EBF4: variants seen among roughly 807,000 people sequenced by gnomAD.
EBF4 encodes EBF transcription factor 4.
In EBF4, 34 loss-of-function variants were observed where a neutral mutation model predicts 67.1. The ratio of observed to expected loss-of-function variants is 0.51; its 90% CI spans 0.39 to 0.67. The LOEUF (loss-of-function observed/expected upper bound fraction) is 0.67, where lower values mean the gene tolerates loss of function less well. EBF4 is among the 30% of genes least tolerant of loss of function. The pLI is 0.00. For synonymous variants in EBF4, 387 were observed against 377.7 expected (o/e 1.02, Z -0.29); for missense variants, 837 against 873.3 (o/e 0.96, Z 0.52).
intron 7 of EBF4, 33 bp downstream of exon 7, chr20:2,748,663 C>T (rs1388953981): frequency 2.6e-6 from 4 of 1,541,554 alleles, no homozygotes; most frequent in Non-Finnish European, 2.6e-6. Context: ...CCCTTGCAAC[C>T]CCACCCTTTC....
At chr20:2,708,068 C>A (rs2087484385) in intron 5 of EBF4, 48 bp downstream of exon 5, 1 of 1,560,218 alleles carries the variant, frequency 6.4e-7, no homozygotes, top group Non-Finnish European at 8.7e-7. Context: ...CAAGGCGTTT[C>A]TGAGGACTCT....
intron 14 of EBF4, among the ~76,000 whole-genome samples, chr20:2,753,147 C>T (rs1412755472): frequency 1.3e-5 from 2 of 152,224 alleles, no homozygotes; most frequent in African/African-American, 4.8e-5. Flanking sequence ...CTTATTTGAA[C>T]TTGTTTCCTC....
chr20:2,746,310 G>C (rs1450210449), intron 6 of EBF4, among the ~76,000 whole-genome samples: 1 of 152,148 alleles, frequency 6.6e-6, no homozygotes, highest in Non-Finnish European at 1.5e-5. Flanking sequence ...TCTACACATT[G>C]GTGACTACTG....
At chr20:2,752,681 GC>G in intron 14 of EBF4, 136 bp downstream of exon 14, 1 of 768,560 alleles carries the variant, frequency 1.3e-6, no homozygotes, top group Non-Finnish European at 1.8e-6. Flanking sequence ...TCGGGGTCAG[GC>G]CCACCGTCCC....
chr20:2,737,324 C>G (rs1364402075), intron 6 of EBF4, among the ~76,000 whole-genome samples: 3 of 151,630 alleles, frequency 2.0e-5, no homozygotes, highest in Non-Finnish European at 4.4e-5. Context: ...GCCTGGGAAC[C>G]ATAATAGGTG....
intron 5 of EBF4, among the ~76,000 whole-genome samples, chr20:2,709,326 C>T (rs558010181): frequency 7.3e-4 from 111 of 152,302 alleles, no homozygotes; most frequent in Non-Finnish European, 1.4e-3. Context: ...CCTCCAGGAA[C>T]GAGGTGCCTT....
chr20:2,703,256 T>TAA (rs58171984), intron 1 of EBF4, among the ~76,000 whole-genome samples: 201 of 114,116 alleles, frequency 1.8e-3, no homozygotes, highest in Non-Finnish European at 3.0e-3. Context: ...GACCCTGTCT[T>TAA]AAAAAAAAAA....
In EBF4 at chr20:2,739,387, C is replaced by G. The variant is rs1391094745; in HGVS notation, c.558-9162C>G. On this transcript the variant is annotated intron_variant, in intron 6 of 16. Coordinates refer to ENST00000609451, the Ensembl canonical transcript of EBF4. The surrounding 1 kb of genome is among the most constrained non-coding windows in gnomAD (Gnocchi z 4.5). ...CTTCTCGGTGAGATCCTCCAAGACC[C>G]ATCACCCAAGACCAAATTGGAGCTC... 1.3e-5 allele frequency among the ~76,000 whole-genome samples: 2 copies of G among 151,970 alleles called. No individual in the cohort carries two copies. The highest frequency in any genetic ancestry group is 2.9e-5 in the Non-Finnish European group (2 of 67,978).
chr20:2,732,911 CAA>C (rs1002893633), intron 6 of EBF4, among the ~76,000 whole-genome samples: 1 of 152,018 alleles, frequency 6.6e-6, no homozygotes, highest in African/African-American at 2.4e-5. Flanking sequence ...GATAGGAAAA[CAA>C]AATCATTACA....
At chr20:2,714,819 T>G (rs1456561792) in intron 6 of EBF4, among the ~76,000 whole-genome samples, 3 of 152,180 alleles carry the variant, frequency 2.0e-5, no homozygotes, top group Non-Finnish European at 4.4e-5. Context: ...TACTCCGGGT[T>G]TTCATTATAT....
chr20:2,747,759 T>C lies in EBF4; in HGVS notation c.558-790T>C, dbSNP rs1009370399. Among the ~76,000 whole-genome samples the C allele has an allele frequency of 2.6e-5, 4 of 152,212 alleles. No individual in the cohort carries two copies. Among genetic ancestry groups the C allele is most frequent in the Non-Finnish European group, 5.9e-5 (4 of 68,040 alleles). On this transcript the variant is annotated intron_variant, in intron 6 of 16. Transcript: ENST00000609451. The surrounding 1 kb of genome is among the most constrained non-coding windows in gnomAD (Gnocchi z 4.6). The stretch of plus-strand genomic sequence containing the variant: ...ATTTACAACATAAAATGCGTATTAA[T>C]GTATTTGTTCTGTGTATTTCCTATT...
chr20:2,700,346 G>C (rs1360718774), intron 1 of EBF4, among the ~76,000 whole-genome samples: 1 of 152,018 alleles, frequency 6.6e-6, no homozygotes, highest in African/African-American at 2.4e-5. Context: ...TAAAATACTT[G>C]CCTCTCCAGG....
Position 2,755,413 on chromosome 20 carries a change from C to G in EBF4, c.1541-214C>G. The G allele has an allele frequency of 1.8e-6, 1 of 567,430 alleles. No homozygotes were observed. Among genetic ancestry groups the G allele is most frequent in the East Asian group, 3.0e-5 (1 of 33,724 alleles). 35.1% of individuals were successfully genotyped at this position (567,430 alleles called of 1,614,324 possible). A position where few individuals can be genotyped will look rare whatever the true frequency, so the allele number is the denominator to read the frequency against. On this transcript the variant is annotated intron_variant, in intron 14 of 16. Coordinates refer to ENST00000609451, the Ensembl canonical transcript of EBF4. This position sits in a 1 kb window ranked among gnomAD's most constrained non-coding sequence, Gnocchi z 4.7. ...GCTTTTGTCTTTACCTGGTCTGGCC[C>G]TGTCATCCCCAGCCCCGAGAAAAGG... is the stretch of plus-strand genomic sequence containing the variant.
intron 6 of EBF4, among the ~76,000 whole-genome samples, chr20:2,711,954 T>A (rs141038211): frequency 1.3e-4 from 20 of 152,250 alleles, no homozygotes; most frequent in Non-Finnish European, 2.8e-4. Flanking sequence ...TTTATGTATC[T>A]GGGGGAAGAA....
At chr20:2,728,650 T>A (rs1336774294) in intron 6 of EBF4, among the ~76,000 whole-genome samples, 1 of 151,596 alleles carries the variant, frequency 6.6e-6, no homozygotes, top group African/African-American at 2.4e-5. Flanking sequence ...AAATCCCCCA[T>A]CCAGGACCCT....
In EBF4 at chr20:2,747,297, A is replaced by C. The variant is rs1327071916; in HGVS notation, c.558-1252A>C. On this transcript the variant is annotated intron_variant, in intron 6 of 16. Coordinates refer to ENST00000609451, the Ensembl canonical transcript of EBF4. The surrounding 1 kb of genome is among the most constrained non-coding windows in gnomAD (Gnocchi z 4.6). Reference sequence around the variant, plus strand: ...GGGCAACAGAGCAAGACTCTGTCTCAAAACAAAAAACAAAACAAACAAAAA... The same window carrying C: ...GGGCAACAGAGCAAGACTCTGTCTCCAAACAAAAAACAAAACAAACAAAAA... 6.8e-6 allele frequency among the ~76,000 whole-genome samples: 1 copy of C among 147,664 alleles called. No homozygotes were observed. The highest frequency in any genetic ancestry group is 1.5e-5 in the Non-Finnish European group (1 of 67,392).
intron 6 of EBF4, among the ~76,000 whole-genome samples, chr20:2,738,866 G>A (rs1003477676): frequency 1.3e-5 from 2 of 152,208 alleles, no homozygotes; most frequent in African/African-American, 4.8e-5. Flanking sequence ...GTGTTCAGGC[G>A]CATGGTGGGC....
At chr20:2,752,253 G>A in exon 13 of EBF4, 2 of 1,275,190 alleles carry the variant, frequency 1.6e-6, no homozygotes, top group South Asian at 2.6e-5. Flanking sequence ...CCACCCCGGG[G>A]CCCGAGCCGG....
At chr20:2,736,975 C>G (rs118096379) in intron 6 of EBF4, among the ~76,000 whole-genome samples, 2 of 151,950 alleles carry the variant, frequency 1.3e-5, no homozygotes, top group African/African-American at 4.8e-5. Context: ...GAGGACCGGG[C>G]GCGGTGGCTC....
Sources: allele counts gnomAD v4.1 joint callset (sites outside exome capture counted in the v4.1 genomes callset), GRCh38; gene constraint gnomAD v4.1.1; non-coding constraint Gnocchi (gnomAD v3.1); transcripts MANE v1.5; gene names NCBI Gene and HGNC (gene_info 2026-07-23, HGNC 2026-07-21).